GARNL3: variants seen among roughly 807,000 people sequenced by gnomAD.
GARNL3 encodes the protein GTPase activating Rap/RanGAP domain like 3.
GARNL3 carries 63 observed loss-of-function variants against 125.0 expected under a neutral mutation model. That is an observed-to-expected ratio of 0.50 (90% CI 0.41 to 0.62). The LOEUF (loss-of-function observed/expected upper bound fraction) is 0.62. Ranked by LOEUF, GARNL3 falls within the 20% of genes least tolerant of loss-of-function variation. GARNL3 has a pLI of 0.00. For missense variants in GARNL3, 994 were observed against 1,244.0 expected, an observed-to-expected ratio of 0.80 and a Z score of 3.02; for synonymous variants, 439 against 457.5, an observed-to-expected ratio of 0.96 and a Z score of 0.52.
In GARNL3 at chr9:127,354,347, G is replaced by C. The variant is rs763623214; in HGVS notation, c.1696G>C (p.Glu566Gln). ...FRLSALQKGLEGKQAGKSRSD... is the reference protein window; with the variant it reads ...FRLSALQKGLQGKQAGKSRSD... ...GCTAAGTGCTCTGCAAAAGGGCCTTGAGGGGAAGCAGGCTGGGAAGAGCAG... is the reference window on the plus strand; with the variant it reads ...GCTAAGTGCTCTGCAAAAGGGCCTTCAGGGGAAGCAGGCTGGGAAGAGCAG... The change falls in exon 19 of 28, where the codon GAG becomes CAG. Residue 566 changes from glutamate to glutamine, a missense_variant. Physicochemically the swap from Glu to Gln is conservative, Grantham distance 29. Coordinates refer to ENST00000373387, the MANE Select transcript of GARNL3 (RefSeq NM_032293.5). 1.7e-5 allele frequency: 28 copies of C among 1,613,948 alleles called. No homozygotes were observed. The highest frequency in any genetic ancestry group is 2.4e-5 in the Non-Finnish European group (28 of 1,179,960).
intron 11 of GARNL3, among the ~76,000 whole-genome samples, chr9:127,337,295 G>C (rs1213004998): frequency 6.6e-6 from 1 of 152,178 alleles, no homozygotes; most frequent in Non-Finnish European, 1.5e-5. Context: ...AGTAGAAGCA[G>C]TGGTGAGGTG....
At chr9:127,377,933 C>A (rs1288592138) in intron 22 of GARNL3, among the ~76,000 whole-genome samples, 4 of 151,802 alleles carry the variant, frequency 2.6e-5, no homozygotes, top group Non-Finnish European at 5.9e-5. Context: ...GTGTGAGTTT[C>A]CAAAAGGGCC....
chr9:127,387,599 C>A (rs528815627), intron 25 of GARNL3, among the ~76,000 whole-genome samples: 1 of 151,728 alleles, frequency 6.6e-6, no homozygotes, highest in Non-Finnish European at 1.5e-5. Context: ...AAAAATTAGC[C>A]GGGTGTGGTG....
intron 8 of GARNL3, 78 bp downstream of exon 8, chr9:127,332,427 T>G (rs1829314641): frequency 8.7e-7 from 1 of 1,149,524 alleles, no homozygotes; most frequent in Admixed American, 1.9e-5. Flanking sequence ...GGAGCTTAAC[T>G]TGTCTGTTGA....
At chr9:127,275,934 G>A (rs746599751) in intron 1 of GARNL3, among the ~76,000 whole-genome samples, 11 of 152,082 alleles carry the variant, frequency 7.2e-5, no homozygotes, top group Non-Finnish European at 1.6e-4. Flanking sequence ...TAGATGTGAA[G>A]GCTCTTTGAT....
At chr9:127,278,514 A>G (rs1332232157) in intron 1 of GARNL3, among the ~76,000 whole-genome samples, 1 of 152,196 alleles carries the variant, frequency 6.6e-6, no homozygotes, top group Admixed American at 6.5e-5. Flanking sequence ...TCTTTTCTTA[A>G]TCATTACATA....
intron 1 of GARNL3, among the ~76,000 whole-genome samples, chr9:127,277,739 A>G (rs1039572845): frequency 1.3e-5 from 2 of 152,078 alleles, no homozygotes; most frequent in Middle Eastern, 3.4e-3. Flanking sequence ...ATACTTTTTC[A>G]TCGTTCTAGA....
chr9:127,382,484 C>T (rs188887285), intron 22 of GARNL3, among the ~76,000 whole-genome samples: 3 of 151,886 alleles, frequency 2.0e-5, no homozygotes, highest in Admixed American at 6.6e-5. Context: ...TGCTGGTGTG[C>T]ACCTGTAGCC....
At chr9:127,376,483 G>C (rs1831922510) in intron 22 of GARNL3, among the ~76,000 whole-genome samples, 1 of 152,160 alleles carries the variant, frequency 6.6e-6, no homozygotes, top group Non-Finnish European at 1.5e-5. Context: ...CTCCCAGAGT[G>C]CTGAGATTAC....
At chr9:127,227,087 C>T (rs1273370061) in intron 1 of GARNL3, among the ~76,000 whole-genome samples, 1 of 152,140 alleles carries the variant, frequency 6.6e-6, no homozygotes, top group Non-Finnish European at 1.5e-5. Context: ...TTAATTTAAC[C>T]GCCTAGGACT....
At chr9:127,323,888 C>T (rs977760116) in intron 6 of GARNL3, among the ~76,000 whole-genome samples, 1 of 152,160 alleles carries the variant, frequency 6.6e-6, no homozygotes, top group Admixed American at 6.5e-5. Flanking sequence ...ATGACATACA[C>T]AGTGACATGC....
intron 2 of GARNL3, among the ~76,000 whole-genome samples, chr9:127,301,927 T>A (rs1011960323): frequency 1.5e-4 from 2 of 13,050 alleles, no homozygotes; most frequent in African/African-American, 5.9e-4. Context: ...TGGGAGGACT[T>A]TTTTTTTTTT....
At chr9:127,341,061 C>T (rs1829834623) in intron 13 of GARNL3, among the ~76,000 whole-genome samples, 1 of 152,128 alleles carries the variant, frequency 6.6e-6, no homozygotes, top group Non-Finnish European at 1.5e-5. Flanking sequence ...TTTGCTGAGG[C>T]TCCCTCTGCT....
Position 127,354,352 on chromosome 9 carries a change from G to T in GARNL3, c.1701G>T (p.Gly567=), listed in dbSNP as rs1180978837. ...RLSALQKGLE[G]KQAGKSRSDC... is the part of the protein sequence containing the mutation. The stretch of plus-strand genomic sequence containing the variant: ...GTGCTCTGCAAAAGGGCCTTGAGGG[G>T]AAGCAGGCTGGGAAGAGCAGGTCTG... Residue 567 remains glycine (G), a synonymous_variant, in exon 19 of 28, where the codon GGG becomes GGT. Transcript: ENST00000373387. 1 of 1,613,980 alleles carries T rather than the reference G, an allele frequency of 6.2e-7. No individual in the cohort carries two copies. The highest frequency in any genetic ancestry group is 1.1e-5 in the South Asian group (1 of 91,074).
At chr9:127,300,560 T>C (rs2064751950) in intron 2 of GARNL3, 2 of 323,652 alleles carry the variant, frequency 6.2e-6, no homozygotes, top group South Asian at 2.7e-5. Flanking sequence ...GTTCAAGCGA[T>C]TCTCCTGCCT....
intron 7 of GARNL3, among the ~76,000 whole-genome samples, chr9:127,331,691 C>G (rs1359026737): frequency 8.3e-6 from 1 of 120,532 alleles, no homozygotes. Context: ...CACATTTGTA[C>G]CAGCTACTGC....
At chr9:127,323,205 C>G (rs1436685209) in intron 6 of GARNL3, among the ~76,000 whole-genome samples, 1 of 152,070 alleles carries the variant, frequency 6.6e-6, no homozygotes, top group Non-Finnish European at 1.5e-5. Flanking sequence ...ACTTTCTGGG[C>G]TAAAATTACA....
At position 127,390,621 on chromosome 9, in the gene GARNL3, A is replaced by T; in HGVS notation, c.2744-20A>T. 1 of 1,613,212 alleles carries T rather than the reference A, an allele frequency of 6.2e-7. No individual in the cohort carries two copies. ...GCAGCCCTGTGGTAGTGACCCTCTG[A>T]CCTATGATTCTCAATCCAGGCCTCT... On this transcript the variant is annotated intron_variant, in intron 26 of 27. Transcript: ENST00000373387.
intron 2 of GARNL3, among the ~76,000 whole-genome samples, chr9:127,297,862 A>G (rs1047498453): frequency 4.6e-5 from 7 of 152,244 alleles, no homozygotes; most frequent in African/African-American, 1.4e-4. Flanking sequence ...AATTTAAAAC[A>G]CAAGTCTTCT....
Sources: gnomAD v4.1 joint callset for allele counts (sites outside exome capture counted in the v4.1 genomes callset) on GRCh38, gnomAD v4.1.1 for gene constraint, MANE v1.5 for transcripts, NCBI Gene and HGNC (gene_info 2026-07-23, HGNC 2026-07-21) for gene names.